The following CLYBL variants were observed in gnomAD, a reference collection of about 807,000 sequenced individuals.
CLYBL encodes the protein citramalyl-CoA lyase, mitochondrial.
A neutral mutation model predicts 38.9 loss-of-function variants in CLYBL; 31 were observed. The observed-to-expected ratio is 0.80, with a 90% CI of 0.60 to 1.08. The LOEUF (loss-of-function observed/expected upper bound fraction) is 1.08. Ranked by LOEUF, CLYBL falls within the 50% of genes least tolerant of loss-of-function variation. The pLI, the probability that CLYBL is intolerant of heterozygous loss-of-function variation, is 0.00. For missense variants in CLYBL, 434 were observed against 411.6 expected (o/e 1.05, Z -0.47); for synonymous variants, 171 against 158.6 (o/e 1.08, Z -0.59).
intron 1 of CLYBL, among the ~76,000 whole-genome samples, chr13:99,658,382 T>C (rs1231761131): frequency 6.6e-6 from 1 of 152,228 alleles, no homozygotes; most frequent in African/African-American, 2.4e-5. Flanking sequence ...TCTTCCAGGC[T>C]CCCAGAAAGT....
chr13:99,891,488 A>G, intron 8 of CLYBL, 51 bp downstream of exon 8: 1 of 1,027,362 alleles, frequency 9.7e-7, no homozygotes, highest in Non-Finnish European at 1.5e-6. Context: ...ACAATACTCA[A>G]AGCAACTTGT....
At chr13:99,747,635 G>A (rs1168706589) in intron 1 of CLYBL, among the ~76,000 whole-genome samples, 1 of 152,118 alleles carries the variant, frequency 6.6e-6, no homozygotes, top group Non-Finnish European at 1.5e-5. Flanking sequence ...CAGTGGTATG[G>A]GTCTTCCTGT....
chr13:99,902,310 T>A (rs12323012), intron 8 of CLYBL, among the ~76,000 whole-genome samples: 11,582 of 152,278 alleles, frequency 0.076, 657 homozygotes, highest in African/African-American at 0.15. Context: ...ATAATTTTCA[T>A]AATTTTGCCT....
At chr13:99,857,359 T>A (rs1244076216) in intron 2 of CLYBL, among the ~76,000 whole-genome samples, 2 of 152,118 alleles carry the variant, frequency 1.3e-5, no homozygotes, top group Non-Finnish European at 2.9e-5. Flanking sequence ...TAATAAAGAA[T>A]GCATGGTAGA....
intron 7 of CLYBL, among the ~76,000 whole-genome samples, chr13:99,874,482 ATTCT>A (rs2051988450): frequency 6.6e-6 from 1 of 152,016 alleles, no homozygotes; most frequent in African/African-American, 2.4e-5. Flanking sequence ...ATATTTGAAA[ATTCT>A]TCATTCAGAA....
intron 9 of CLYBL, among the ~76,000 whole-genome samples, chr13:99,906,439 T>TC (rs2052698812): frequency 6.6e-6 from 1 of 150,688 alleles, no homozygotes; most frequent in Non-Finnish European, 1.5e-5. Context: ...GAGTTTTCTT[T>TC]TTTTTTTCTT....
chr13:99,764,053 T>A (rs1192384503), intron 1 of CLYBL, among the ~76,000 whole-genome samples: 2 of 151,938 alleles, frequency 1.3e-5, no homozygotes, highest in East Asian at 3.9e-4. Context: ...AAAAAAAAAT[T>A]TTTTTTTGAG....
At chr13:99,773,152 T>C (rs117271887) in intron 2 of CLYBL, 142 bp downstream of exon 2, 24,580 of 702,676 alleles carry the variant, frequency 0.035, 522 homozygotes, top group South Asian at 0.04. Context: ...TCTGCTTTTA[T>C]ATAGGTTCTA....
chr13:99,900,666 T>TGA (rs2052631811), downstream of CLYBL, among the ~76,000 whole-genome samples: 1 of 152,108 alleles, frequency 6.6e-6, no homozygotes, highest in African/African-American at 2.4e-5. Context: ...CTCCAAATTC[T>TGA]CTCCACTAAA....
intron 1 of CLYBL, among the ~76,000 whole-genome samples, chr13:99,759,724 T>C (rs2049130532): frequency 6.6e-6 from 1 of 152,214 alleles, no homozygotes; most frequent in South Asian, 2.1e-4. Flanking sequence ...CTTGTTTTAC[T>C]CTTCGGGATG....
At chr13:99,672,901 G>C (rs2047587914) in intron 1 of CLYBL, among the ~76,000 whole-genome samples, 1 of 152,176 alleles carries the variant, frequency 6.6e-6, no homozygotes, top group Non-Finnish European at 1.5e-5. Flanking sequence ...GATGATGGCA[G>C]GGGAAGGGCG....
At chr13:99,857,617 C>G (rs190767900) in intron 2 of CLYBL, among the ~76,000 whole-genome samples, 2 of 152,318 alleles carry the variant, frequency 1.3e-5, no homozygotes, top group Admixed American at 1.3e-4. Context: ...TTGTTTAACT[C>G]AGACCACATT....
At chr13:99,774,671 A>G (rs1198580595) in intron 2 of CLYBL, among the ~76,000 whole-genome samples, 1 of 152,222 alleles carries the variant, frequency 6.6e-6, no homozygotes, top group African/African-American at 2.4e-5. Flanking sequence ...TAAAGAAAAA[A>G]TTTAATTTCC....
intron 1 of CLYBL, among the ~76,000 whole-genome samples, chr13:99,764,770 G>A (rs1323073187): frequency 6.6e-6 from 1 of 151,734 alleles, no homozygotes; most frequent in African/African-American, 2.4e-5. Context: ...CTGAACTCGT[G>A]GGCTGAAGCA....
chr13:99,782,048 C>G (rs1288538203), intron 2 of CLYBL, among the ~76,000 whole-genome samples: 1 of 152,060 alleles, frequency 6.6e-6, no homozygotes, highest in Admixed American at 6.5e-5. Context: ...TACAGTATTT[C>G]TTTATATTAT....
intron 7 of CLYBL, among the ~76,000 whole-genome samples, chr13:99,883,518 CAAAA>C (rs199528877): frequency 7.6e-6 from 1 of 130,860 alleles, no homozygotes. Context: ...GACTCCATCT[CAAAA>C]AAAAAAAAAA....
chr13:99,625,967 G>A (rs2046863957), intron 1 of CLYBL, among the ~76,000 whole-genome samples: 1 of 152,228 alleles, frequency 6.6e-6, no homozygotes, highest in Non-Finnish European at 1.5e-5. Context: ...GAAGGGTGCG[G>A]TGTGAGGTGG....
intron 2 of CLYBL, among the ~76,000 whole-genome samples, chr13:99,843,800 C>T (rs1004636134): frequency 3.9e-5 from 6 of 152,100 alleles, no homozygotes; most frequent in African/African-American, 1.4e-4. Flanking sequence ...TGGGGTTTCG[C>T]CCTCTTGGCC....
intron 1 of CLYBL, among the ~76,000 whole-genome samples, chr13:99,751,157 A>C (rs1197491617): frequency 6.6e-6 from 1 of 152,162 alleles, no homozygotes; most frequent in African/African-American, 2.4e-5. Context: ...ACGATGGAAT[A>C]TTATTCAGCC....
Sources: allele counts gnomAD v4.1 joint callset (sites outside exome capture counted in the v4.1 genomes callset), GRCh38; gene constraint gnomAD v4.1.1; transcripts MANE v1.5; gene names NCBI Gene and HGNC (gene_info 2026-07-23, HGNC 2026-07-21).